C1orf21: variants seen among roughly 807,000 people sequenced by gnomAD.
The protein encoded by C1orf21 is uncharacterized protein C1orf21.
In C1orf21, 3 loss-of-function variants were observed where a neutral mutation model predicts 18.7. The observed-to-expected ratio is 0.16, with a 90% CI of 0.07 to 0.42. C1orf21 has a LOEUF of 0.42. C1orf21 is among the 10% of genes least tolerant of loss of function. The pLI is 0.99. For synonymous variants in C1orf21, 41 were observed against 46.4 expected (o/e 0.88, Z 0.47); for missense variants, 104 against 143.6 (o/e 0.72, Z 1.41).
intron 1 of C1orf21, among the ~76,000 whole-genome samples, chr1:184,407,154 A>G (rs1425856872): frequency 6.6e-6 from 1 of 152,104 alleles, no homozygotes; most frequent in East Asian, 1.9e-4. Flanking sequence ...TTAAAAAAAA[A>G]TTTAGAGACA....
At chr1:184,555,625 C>T (rs182039338) in intron 3 of C1orf21, among the ~76,000 whole-genome samples, 1 of 152,160 alleles carries the variant, frequency 6.6e-6, no homozygotes, top group Admixed American at 6.5e-5. Flanking sequence ...GCCAGAGCAG[C>T]CTTGTGCCCC....
At chr1:184,443,410 G>A (rs1036973089) in intron 1 of C1orf21, among the ~76,000 whole-genome samples, 2 of 151,968 alleles carry the variant, frequency 1.3e-5, no homozygotes, top group Non-Finnish European at 2.9e-5. Context: ...ATATTCCACC[G>A]GCTAACAAGT....
intron 3 of C1orf21, among the ~76,000 whole-genome samples, chr1:184,582,750 A>G (rs780160746): frequency 6.6e-6 from 1 of 152,216 alleles, no homozygotes; most frequent in Non-Finnish European, 1.5e-5. Context: ...CTTGCAGACA[A>G]TGCTTTTAGT....
At chr1:184,412,651 GA>G (rs58696214) in intron 1 of C1orf21, among the ~76,000 whole-genome samples, 3 of 151,458 alleles carry the variant, frequency 2.0e-5, no homozygotes, top group Non-Finnish European at 4.4e-5. Flanking sequence ...CTGCAAAAAA[GA>G]AAAAAAATAG....
At chr1:184,613,170 G>T (rs562874834) in intron 5 of C1orf21, among the ~76,000 whole-genome samples, 2 of 152,110 alleles carry the variant, frequency 1.3e-5, no homozygotes, top group Admixed American at 1.3e-4. Flanking sequence ...GGCTGGTCTC[G>T]AACTCTTGAC....
chr1:184,602,534 T>C (rs1206582186), intron 5 of C1orf21, among the ~76,000 whole-genome samples: 1 of 152,212 alleles, frequency 6.6e-6, no homozygotes, highest in African/African-American at 2.4e-5. Context: ...AGAATCTTTT[T>C]TGAAGTGTTA....
intron 1 of C1orf21, among the ~76,000 whole-genome samples, chr1:184,405,169 G>A (rs1193800535): frequency 6.6e-6 from 1 of 151,966 alleles, no homozygotes; most frequent in Non-Finnish European, 1.5e-5. Context: ...TATTTGGCAT[G>A]TTTTTATTAG....
chr1:184,429,685 T>G (rs1416758229), intron 1 of C1orf21, among the ~76,000 whole-genome samples: 1 of 147,456 alleles, frequency 6.8e-6, no homozygotes, highest in Non-Finnish European at 1.5e-5. Context: ...AAGACAGTGT[T>G]GGGTTTGCCA....
At chr1:184,449,764 C>T (rs980114285) in intron 1 of C1orf21, among the ~76,000 whole-genome samples, 1 of 151,940 alleles carries the variant, frequency 6.6e-6, no homozygotes, top group Non-Finnish European at 1.5e-5. Flanking sequence ...AATTAAGATC[C>T]CTATGTGTAA....
intron 2 of C1orf21, among the ~76,000 whole-genome samples, chr1:184,498,120 C>CTG (rs1657920715): frequency 6.6e-6 from 1 of 152,200 alleles, no homozygotes; most frequent in South Asian, 2.1e-4. Context: ...CCACTAACCT[C>CTG]CTCACCCCTT....
chr1:184,597,711 C>G (rs1197543856), intron 4 of C1orf21, among the ~76,000 whole-genome samples: 5 of 152,178 alleles, frequency 3.3e-5, no homozygotes, highest in Non-Finnish European at 5.9e-5. Context: ...GTAATTCATC[C>G]CTGCTGTCCT....
intron 1 of C1orf21, among the ~76,000 whole-genome samples, chr1:184,390,419 C>A (rs1655954142): frequency 6.6e-6 from 1 of 152,152 alleles, no homozygotes. Context: ...CAGGTCTGAT[C>A]TTACAATGCA....
intron 5 of C1orf21, among the ~76,000 whole-genome samples, chr1:184,606,287 A>T (rs1034717329): frequency 1.3e-5 from 2 of 152,208 alleles, no homozygotes; most frequent in African/African-American, 4.8e-5. Context: ...TTTAAAAGAT[A>T]TTCATTGGCC....
rs1426777214 is a variant in C1orf21 at position 184,387,728 on chromosome 1, C to G, written c.-125+360C>G. Among the ~76,000 whole-genome samples the G allele has an allele frequency of 1.3e-5, 2 of 152,304 alleles. No homozygotes were observed. The highest frequency in any genetic ancestry group is 4.8e-5 in the African/African-American group (2 of 41,574). ...CCCCTCCCTTCCCACCCGCACCCTG[C>G]CGCCCTCAGCCTTCCTGCTCTCCTC... On this transcript the variant is annotated intron_variant, in intron 1 of 5. Coordinates refer to ENST00000235307, the MANE Select transcript of C1orf21 (RefSeq NM_030806.4). The surrounding 1 kb of genome is among the most constrained non-coding windows in gnomAD (Gnocchi z 5.6).
intron 1 of C1orf21, among the ~76,000 whole-genome samples, chr1:184,420,656 C>T (rs1344378432): frequency 6.6e-6 from 1 of 152,014 alleles, no homozygotes; most frequent in African/African-American, 2.4e-5. Flanking sequence ...TTGGGGAAAT[C>T]CAAAAAATGT....
At chr1:184,594,616 A>G (rs1659488886) in intron 4 of C1orf21, among the ~76,000 whole-genome samples, 1 of 152,206 alleles carries the variant, frequency 6.6e-6, no homozygotes, top group South Asian at 2.1e-4. Context: ...CTCTGGTGAT[A>G]AGAATGTTTC....
At chr1:184,474,269 G>A (rs1657537980) in intron 1 of C1orf21, among the ~76,000 whole-genome samples, 1 of 152,102 alleles carries the variant, frequency 6.6e-6, no homozygotes, top group African/African-American at 2.4e-5. Flanking sequence ...CTCATATTGA[G>A]CTATAGTGCT....
intron 1 of C1orf21, among the ~76,000 whole-genome samples, chr1:184,443,707 G>T (rs182775257): frequency 6.6e-5 from 10 of 152,284 alleles, no homozygotes; most frequent in Non-Finnish European, 1.3e-4. Flanking sequence ...TGCAGGGACA[G>T]TACTGAACTT....
At chr1:184,403,435 C>T (rs1210571481) in intron 1 of C1orf21, among the ~76,000 whole-genome samples, 2 of 152,070 alleles carry the variant, frequency 1.3e-5, no homozygotes, top group African/African-American at 2.4e-5. Flanking sequence ...CTAAGAAAAG[C>T]AGGGGAAGAT....
Sources: allele counts gnomAD v4.1 joint callset (sites outside exome capture counted in the v4.1 genomes callset), GRCh38; gene constraint gnomAD v4.1.1; non-coding constraint Gnocchi (gnomAD v3.1); transcripts MANE v1.5; gene names NCBI Gene and HGNC (gene_info 2026-07-23, HGNC 2026-07-21).